The following CASP8 variants were observed in gnomAD, a reference collection of about 807,000 sequenced individuals.
CASP8 encodes caspase-8.
CASP8 carries 24 observed loss-of-function variants against 46.3 expected under a neutral mutation model. The ratio of observed to expected loss-of-function variants is 0.52; its 90% CI spans 0.38 to 0.73. The LOEUF is 0.73. Ranked by LOEUF, CASP8 falls within the 30% of genes least tolerant of loss-of-function variation. The pLI is 0.00. For missense variants in CASP8, 460 were observed against 559.0 expected, an observed-to-expected ratio of 0.82 and a Z score of 1.79; for synonymous variants, 188 against 200.4, an observed-to-expected ratio of 0.94 and a Z score of 0.52.
chr2:201,239,306 G>A (rs541782957), intron 2 of CASP8, among the ~76,000 whole-genome samples: 6 of 152,232 alleles, frequency 3.9e-5, no homozygotes, highest in African/African-American at 1.4e-4. Flanking sequence ...CGGGGTGGTG[G>A]CCGGGCAGAG....
chr2:201,269,657 C>G (rs756102899), intron 2 of CASP8: 10 of 1,302,796 alleles, frequency 7.7e-6, no homozygotes, highest in Admixed American at 3.8e-5. Context: ...TAAAAGGGTC[C>G]GGGCAATCCT....
chr2:201,265,959 G>A (rs1001553883), intron 1 of CASP8, among the ~76,000 whole-genome samples: 1 of 148,772 alleles, frequency 6.7e-6, no homozygotes, highest in Admixed American at 6.7e-5. Flanking sequence ...CTAACCATTG[G>A]CTTGTTTTTT....
chr2:201,281,933 CTTTT>C lies in CASP8; in HGVS notation c.803-2864_803-2861del, dbSNP rs540286536. 1,479 of 260,376 alleles carry C rather than the reference CTTTT, an allele frequency of 5.7e-3. 1 individual carries two copies. The highest frequency in any genetic ancestry group is 6.3e-3 in the Non-Finnish European group (1,142 of 181,512). 16.1% of individuals were successfully genotyped at this position (260,376 alleles called of 1,614,324 possible). A position where few individuals can be genotyped will look rare whatever the true frequency, so the allele number is the denominator to read the frequency against. ...TGCTCTTGAATTTCTGGTTCAAATT[CTTTT>C]TTTTTTTTTTTTTTTTTTATTGATC... On this transcript the variant is annotated intron_variant, in intron 7 of 8. Coordinates refer to ENST00000673742, the MANE Select transcript of CASP8 (RefSeq NM_001372051.1).
In CASP8 at chr2:201,285,054, C is replaced by A. The variant is rs761289523; in HGVS notation, c.1041C>A (p.Ser347=). Residue 347 remains serine (S), a synonymous_variant, in exon 8 of 9, where the codon TCC becomes TCA. Transcript: ENST00000673742. Reference sequence around the variant, plus strand: ...AGTTCACTGGTTTGAAGTGCCCTTCCCTTGCTGGAAAACCCAAAGTGTTTT... The same window carrying A: ...AGTTCACTGGTTTGAAGTGCCCTTCACTTGCTGGAAAACCCAAAGTGTTTT... ...TSQFTGLKCP[S]LAGKPKVFFI... is the part of the protein sequence containing the mutation. 1.9e-5 allele frequency: 30 copies of A among 1,614,176 alleles called. No individual in the cohort carries two copies. In the South Asian group the frequency reaches 3.2e-4, roughly 17 times the overall value.
intron 7 of CASP8, chr2:201,277,934 C>CA (rs532863270): frequency 4.9e-6 from 1 of 205,354 alleles, no homozygotes; most frequent in South Asian, 5.8e-5. Context: ...CTCCTGACCT[C>CA]AAGTGATCCG....
At chr2:201,247,858 A>C (rs976162296) in intron 2 of CASP8, among the ~76,000 whole-genome samples, 3 of 152,208 alleles carry the variant, frequency 2.0e-5, no homozygotes, top group Non-Finnish European at 4.4e-5. Context: ...TTTAGCCAGG[A>C]TAGTCTCGAT....
chr2:201,271,094 T>C (rs1332305040), intron 2 of CASP8, among the ~76,000 whole-genome samples: 1 of 152,202 alleles, frequency 6.6e-6, no homozygotes, highest in Non-Finnish European at 1.5e-5. Context: ...CAGAACCGAA[T>C]GCTTGGCCGT....
upstream of CASP8, among the ~76,000 whole-genome samples, chr2:201,256,194 T>A (rs1309766380): frequency 6.6e-6 from 1 of 152,234 alleles, no homozygotes; most frequent in East Asian, 1.9e-4. Context: ...TTACAGTTAA[T>A]TCTGAGGTGG....
chr2:201,245,620 T>G (rs1430855051), intron 2 of CASP8, among the ~76,000 whole-genome samples: 3 of 152,180 alleles, frequency 2.0e-5, no homozygotes, highest in African/African-American at 7.2e-5. Flanking sequence ...ATCTGCTGCT[T>G]CCACTTCCTT....
At chr2:201,238,151 G>T (rs1946136202) in intron 2 of CASP8, among the ~76,000 whole-genome samples, 1 of 152,086 alleles carries the variant, frequency 6.6e-6, no homozygotes, top group Non-Finnish European at 1.5e-5. Flanking sequence ...CAAATAACAA[G>T]GGAGGCAAAA....
chr2:201,286,211 C>G (rs1019121314), intron 8 of CASP8, among the ~76,000 whole-genome samples: 4 of 152,214 alleles, frequency 2.6e-5, no homozygotes, highest in African/African-American at 9.6e-5. Flanking sequence ...GAAACCAACT[C>G]TAATACTGAC....
chr2:201,275,202 T>C (rs965345714), intron 6 of CASP8, among the ~76,000 whole-genome samples: 3 of 152,120 alleles, frequency 2.0e-5, no homozygotes, highest in African/African-American at 4.8e-5. Context: ...ACTGGAATAG[T>C]TGGAGGGTGG....
At chr2:201,282,291 T>G (rs1264067871) in intron 7 of CASP8, among the ~76,000 whole-genome samples, 1 of 48,394 alleles carries the variant, frequency 2.1e-5, no homozygotes, top group African/African-American at 6.9e-5. Flanking sequence ...GGCAGAAGAA[T>G]TTTTCTTAGT....
intron 2 of CASP8, among the ~76,000 whole-genome samples, chr2:201,248,344 G>A (rs1446916237): frequency 6.6e-6 from 1 of 152,084 alleles, no homozygotes; most frequent in Non-Finnish European, 1.5e-5. Flanking sequence ...CATCCACCTT[G>A]TGTACCGAGT....
intron 2 of CASP8, among the ~76,000 whole-genome samples, chr2:201,270,974 C>T (rs997836015): frequency 6.6e-6 from 1 of 152,066 alleles, no homozygotes; most frequent in Non-Finnish European, 1.5e-5. Flanking sequence ...TGGGGTGTAG[C>T]GGCACCACAG....
intron 7 of CASP8, among the ~76,000 whole-genome samples, chr2:201,281,242 G>T (rs1948985937): frequency 6.6e-6 from 1 of 151,946 alleles, no homozygotes; most frequent in African/African-American, 2.4e-5. Flanking sequence ...TGAACTTGGG[G>T]GGCAGAAGTT....
At chr2:201,269,429 T>TATTCATTTA (rs1948077124) in intron 2 of CASP8, 2 of 854,270 alleles carry the variant, frequency 2.3e-6, no homozygotes, top group Non-Finnish European at 3.9e-6. Context: ...AGGCGCCAGT[T>TATTCATTTA]AGTCCTAAAA....
intron 2 of CASP8, among the ~76,000 whole-genome samples, chr2:201,247,174 G>A (rs922717276): frequency 7.8e-6 from 1 of 128,196 alleles, no homozygotes; most frequent in Non-Finnish European, 1.6e-5. Context: ...GGGCGGCAGA[G>A]TGAGACTGTC....
intron 2 of CASP8, chr2:201,242,257 T>G (rs1392284482): frequency 6.6e-6 from 1 of 152,198 alleles, no homozygotes; most frequent in African/African-American, 2.4e-5. Flanking sequence ...TACAGTGCCT[T>G]AGTCCATTCA....
Sources: gnomAD v4.1 joint callset for allele counts (sites outside exome capture counted in the v4.1 genomes callset) on GRCh38, gnomAD v4.1.1 for gene constraint, MANE v1.5 for transcripts, NCBI Gene and HGNC (gene_info 2026-07-23, HGNC 2026-07-21) for gene names.